The following TRPC4 variants were observed in gnomAD, a reference collection of about 807,000 sequenced individuals.
The protein encoded by TRPC4 is short transient receptor potential channel 4.
Under a neutral mutation model 99.4 loss-of-function variants are expected in TRPC4, and 49 were observed. The observed-to-expected ratio is 0.49, with a 90% confidence interval of 0.39 to 0.63. TRPC4 has a LOEUF of 0.63. Ranked by LOEUF, TRPC4 falls within the 20% of genes least tolerant of loss-of-function variation. The pLI is 0.00. For missense variants in TRPC4, 898 were observed against 1,152.9 expected, an observed-to-expected ratio of 0.78 and a Z score of 3.20; for synonymous variants, 454 against 425.9, an observed-to-expected ratio of 1.07 and a Z score of -0.81.
At chr13:37,698,575 G>A (rs1284020052) in intron 3 of TRPC4, among the ~76,000 whole-genome samples, 5 of 152,106 alleles carry the variant, frequency 3.3e-5, no homozygotes, top group African/African-American at 9.6e-5. Context: ...TTATCAACAA[G>A]CAAATTTAGC....
At chr13:37,817,338 G>A (rs1451145234) in intron 1 of TRPC4, among the ~76,000 whole-genome samples, 1 of 151,964 alleles carries the variant, frequency 6.6e-6, no homozygotes. Context: ...CCTCTACAAG[G>A]AGAGCTACAA....
chr13:37,782,874 TAAA>T (rs754844763), intron 2 of TRPC4, 79 bp downstream of exon 2: 7 of 970,708 alleles, frequency 7.2e-6, no homozygotes, highest in African/African-American at 2.1e-5. Context: ...TTTGAAAATC[TAAA>T]AAAAAAAAAA....
chr13:37,827,332 C>T lies in TRPC4; in HGVS notation c.-28+42263G>A, dbSNP rs576648817. Among the ~76,000 whole-genome samples the T allele has an allele frequency of 4.6e-5, 7 of 152,294 alleles. No homozygotes were observed. In the East Asian group the frequency reaches 5.8e-4, roughly 13 times the overall value. ...TGCTGGTGAGGAACTGCATTCCTTT[C>T]GAGGTGGAGAGGCGCTCTGCTTTTT... is the stretch of plus-strand genomic sequence containing the variant. On this transcript the variant is annotated intron_variant, in intron 1 of 10. Transcript: ENST00000379705.
intron 1 of TRPC4, among the ~76,000 whole-genome samples, chr13:37,831,846 A>T (rs1428161441): frequency 6.6e-6 from 1 of 152,126 alleles, no homozygotes; most frequent in Non-Finnish European, 1.5e-5. Flanking sequence ...AAGCTCAGAG[A>T]AGTAGAGAGT....
intron 1 of TRPC4, among the ~76,000 whole-genome samples, chr13:37,815,016 T>C (rs1211271390): frequency 6.6e-6 from 1 of 151,704 alleles, no homozygotes; most frequent in Non-Finnish European, 1.5e-5. Context: ...GGTCAGAAAA[T>C]AAACCCTTAT....
intron 3 of TRPC4, among the ~76,000 whole-genome samples, chr13:37,696,699 G>A (rs1322197545): frequency 3.3e-5 from 5 of 152,138 alleles, no homozygotes; most frequent in African/African-American, 1.2e-4. Context: ...TGATTCCTTT[G>A]CTCTAAAAGG....
chr13:37,664,295 C>T (rs1952557839), intron 5 of TRPC4, among the ~76,000 whole-genome samples: 1 of 152,062 alleles, frequency 6.6e-6, no homozygotes, highest in Non-Finnish European at 1.5e-5. Flanking sequence ...GGGTCAAGGC[C>T]TGGCGCGGTG....
At chr13:37,699,921 C>T (rs1413003) in intron 3 of TRPC4, among the ~76,000 whole-genome samples, 135,054 of 152,212 alleles carry the variant, frequency 0.89, 60,105 homozygotes, top group Middle Eastern at 0.95. Context: ...TAATGGAAAG[C>T]TGAAAATGAG....
chr13:37,734,530 A>G (rs1955338354), intron 3 of TRPC4, among the ~76,000 whole-genome samples: 1 of 152,118 alleles, frequency 6.6e-6, no homozygotes, highest in Non-Finnish European at 1.5e-5. Flanking sequence ...CAAGATTTCC[A>G]GCTTCACCCC....
chr13:37,748,982 T>C (rs974222201), intron 2 of TRPC4, among the ~76,000 whole-genome samples: 24 of 152,290 alleles, frequency 1.6e-4, no homozygotes, highest in Admixed American at 4.6e-4. Context: ...TCTTGAATTG[T>C]ACTCCTCATG....
intron 8 of TRPC4, among the ~76,000 whole-genome samples, chr13:37,645,146 G>A (rs1001906292): frequency 1.1e-4 from 16 of 151,890 alleles, no homozygotes; most frequent in African/African-American, 3.6e-4. Context: ...GAGAAGATGA[G>A]GGCATACCTG....
intron 5 of TRPC4, among the ~76,000 whole-genome samples, chr13:37,673,347 G>A (rs1952928262): frequency 6.6e-6 from 1 of 152,048 alleles, no homozygotes; most frequent in Non-Finnish European, 1.5e-5. Flanking sequence ...GCCCACAGAA[G>A]CAGAAGGCAT....
intron 1 of TRPC4, among the ~76,000 whole-genome samples, chr13:37,830,864 A>C (rs967380792): frequency 2.0e-5 from 3 of 149,584 alleles, no homozygotes; most frequent in Admixed American, 6.7e-5. Flanking sequence ...AGTAAGCGTA[A>C]TGTTTTAACT....
intron 3 of TRPC4, among the ~76,000 whole-genome samples, chr13:37,704,510 G>C (rs1593548759): frequency 6.6e-6 from 1 of 151,896 alleles, no homozygotes; most frequent in South Asian, 2.1e-4. Context: ...AATATGGTGA[G>C]ACCCCATCTC....
At chr13:37,674,396 T>C in intron 4 of TRPC4, 29 bp from the exon 5 acceptor site, 2 of 1,590,390 alleles carry the variant, frequency 1.3e-6, no homozygotes, top group Non-Finnish European at 8.5e-7. Flanking sequence ...TCATTGTAAG[T>C]ATGATTTCAA....
intron 3 of TRPC4, among the ~76,000 whole-genome samples, chr13:37,737,010 G>A (rs1955417731): frequency 6.6e-6 from 1 of 150,718 alleles, no homozygotes. Flanking sequence ...TGGGATTACA[G>A]ATGTAAGCCA....
rs1952036878 is a variant in TRPC4 at position 37,651,356 on chromosome 13, G to A, written c.1988C>T (p.Pro663Leu). 1 of 1,614,036 alleles carries A rather than the reference G, an allele frequency of 6.2e-7. No homozygotes were observed. The highest frequency in any genetic ancestry group is 2.2e-5 in the East Asian group (1 of 44,872). Residue 663 changes from proline (P) to leucine (L), a missense_variant, in exon 8 of 11, where the codon CCC becomes CTC. Around this residue, in one of 3 missense-constraint regions of TRPC4, gnomAD observed 274 missense variants for 454.9 expected, o/e 0.60. Coordinates refer to ENST00000379705, the MANE Select transcript of TRPC4 (RefSeq NM_016179.4). ...LPTPFNVIPS[P>L]KSLWYLIKWI... ...TTTGATCAGGTACCAGAGAGACTTG[G>A]GGCTCGGGATGACATTGAAGGGAGT...
intron 3 of TRPC4, among the ~76,000 whole-genome samples, chr13:37,734,868 C>A (rs1475611883): frequency 6.6e-6 from 1 of 151,912 alleles, no homozygotes; most frequent in East Asian, 1.9e-4. Flanking sequence ...AAGAAGGGAG[C>A]TAGCAAGGAA....
At chr13:37,736,159 CT>C (rs1955387684) in intron 3 of TRPC4, among the ~76,000 whole-genome samples, 1 of 152,170 alleles carries the variant, frequency 6.6e-6, no homozygotes, top group Admixed American at 6.5e-5. Flanking sequence ...CTGAAAAGTA[CT>C]GAATAGGCAT....
Sources: gnomAD v4.1 joint callset for allele counts (sites outside exome capture counted in the v4.1 genomes callset) on GRCh38, gnomAD v4.1.1 for gene constraint, gnomAD v4.1.1 regional missense constraint, MANE v1.5 for transcripts, NCBI Gene and HGNC (gene_info 2026-07-23, HGNC 2026-07-21) for gene names.